Variants in FHL1 observed in about 807,000 individuals in gnomAD.
FHL1 encodes the protein four and a half LIM domains 1.
In FHL1, 1 loss-of-function variant was observed where a neutral mutation model predicts 20.3. That is an observed-to-expected ratio of 0.05 (90% CI 0.02 to 0.23). The LOEUF (loss-of-function observed/expected upper bound fraction) is 0.23. Among genes scored for constraint, FHL1 ranks in the 10% least tolerant of loss-of-function variants. The pLI is 1.00. For synonymous variants in FHL1, 82 were observed against 88.9 expected, an observed-to-expected ratio of 0.92 and a Z score of 0.44; for missense variants, 177 against 234.0, an observed-to-expected ratio of 0.76 and a Z score of 1.59.
At chrX:136,183,626 T>C (rs940304381) in intron 2 of FHL1, among the ~76,000 whole-genome samples, 1 of 112,572 alleles carries the variant, frequency 8.9e-6, no homozygotes, top group African/African-American at 3.2e-5. Flanking sequence ...ATGAATACTT[T>C]ATATTCTGCA....
intron 4 of FHL1, among the ~76,000 whole-genome samples, chrX:136,208,234 C>T (rs999226046): frequency 1.8e-5 from 2 of 111,942 alleles, no homozygotes; most frequent in African/African-American, 3.2e-5. Context: ...CTGCCTCCAC[C>T]ACTTAGGGGC....
chrX:136,153,605 G>A (rs986223550), intron 1 of FHL1, among the ~76,000 whole-genome samples: 2 of 111,815 alleles, frequency 1.8e-5, no homozygotes, highest in African/African-American at 6.5e-5. Flanking sequence ...TTGCAAGAAT[G>A]AATGATCCTT....
intron 1 of FHL1, among the ~76,000 whole-genome samples, chrX:136,205,726 G>C (rs2073822364): frequency 8.9e-6 from 1 of 112,029 alleles, no homozygotes; most frequent in Admixed American, 9.4e-5. Context: ...GTGTGGTACA[G>C]AATGAGCTGT....
intron 1 of FHL1, among the ~76,000 whole-genome samples, chrX:136,155,347 G>A (rs2072385966): frequency 8.9e-6 from 1 of 112,129 alleles, no homozygotes; most frequent in African/African-American, 3.2e-5. Context: ...AGTGAGAAGA[G>A]TTGTTGTCAC....
chrX:136,207,046 G>A lies in FHL1; in HGVS notation c.235G>A (p.Asp79Asn). The change falls in exon 3 of 6, where the codon GAC becomes AAC. Residue 79 changes from aspartate to asparagine, a missense_variant. Asp to Asn is a conservative substitution (Grantham distance 23). Transcript: ENST00000370683. Reference sequence around the variant, plus strand: ...GCACTATAAGAACCGCTTCTGGCATGACACCTGCTTCCGCTGTGCCAAGTG... The same window carrying A: ...GCACTATAAGAACCGCTTCTGGCATAACACCTGCTTCCGCTGTGCCAAGTG... ...EVHYKNRFWH[D>N]TCFRCAKCLH... The A allele has an allele frequency of 8.3e-7, 1 of 1,211,514 alleles. No homozygotes were observed. Among genetic ancestry groups the A allele is most frequent in the Non-Finnish European group, 1.1e-6 (1 of 895,521 alleles).
At chrX:136,172,679 G>T (rs1169896115) in intron 2 of FHL1, among the ~76,000 whole-genome samples, 1 of 113,141 alleles carries the variant, frequency 8.8e-6, no homozygotes, top group African/African-American at 3.2e-5. Flanking sequence ...TGGAATAATT[G>T]AATAGTTTAG....
intron 1 of FHL1, among the ~76,000 whole-genome samples, chrX:136,201,234 TTGAGAGA>T (rs1335869667): frequency 8.9e-6 from 1 of 112,255 alleles, no homozygotes; most frequent in Non-Finnish European, 1.9e-5. Context: ...AGCAGGCTAC[TTGAGAGA>T]TTCAAAAAGT....
upstream of FHL1, among the ~76,000 whole-genome samples, chrX:136,168,486 A>T (rs2072772741): frequency 8.9e-6 from 1 of 112,213 alleles, no homozygotes; most frequent in Non-Finnish European, 1.9e-5. Flanking sequence ...GAATATGAAG[A>T]TACTGTCTCT....
chrX:136,180,309 A>G (rs1230558829), intron 2 of FHL1, among the ~76,000 whole-genome samples: 1 of 112,384 alleles, frequency 8.9e-6, no homozygotes, highest in East Asian at 2.8e-4. Context: ...TATGAATGAA[A>G]TCAAAGAATT....
rs747594885 is a variant in FHL1, at chrX:136,207,868, C to T, written c.456C>T (p.Ile152=). The change falls in exon 4 of 6, where the codon ATC becomes ATT. Residue 152 remains isoleucine (I), a synonymous_variant. Transcript: ENST00000370683. ...CFTCSNCKQV[I]GTGSFFPKGE... is the part of the protein sequence containing the mutation. ...CCTGTAGTAACTGCAAGCAAGTCAT[C>T]GGGACTGGAAGCTTCTTCCCTAAAG... 5.7e-5 allele frequency: 69 copies of T among 1,210,680 alleles called. No homozygotes were observed. In the East Asian group the frequency reaches 1.0e-3, roughly 18 times the overall value.
At chrX:136,195,046 G>A (rs1603264855), upstream of FHL1, among the ~76,000 whole-genome samples, 2 of 112,062 alleles carry the variant, frequency 1.8e-5, no homozygotes, top group African/African-American at 6.5e-5. Context: ...ATTCATGGTG[G>A]TCAAAAAGTG....
chrX:136,152,699 G>T (rs923606587), intron 1 of FHL1, among the ~76,000 whole-genome samples: 10 of 81,987 alleles, frequency 1.2e-4, no homozygotes, highest in Admixed American at 3.6e-4. Flanking sequence ...CAGCCTGGGC[G>T]ACAGAGCTAG....
At chrX:136,193,094 A>C (rs186889416), upstream of FHL1, among the ~76,000 whole-genome samples, 3,384 of 110,950 alleles carry the variant, frequency 0.031, 57 homozygotes, top group Middle Eastern at 0.078. Flanking sequence ...AAAAAAAAAA[A>C]AAACAACTGG....
intron 2 of FHL1, among the ~76,000 whole-genome samples, 174 bp downstream of exon 2, chrX:136,206,762 G>C (rs893688585): frequency 4.4e-5 from 5 of 113,523 alleles, no homozygotes; most frequent in African/African-American, 1.6e-4. Context: ...GCTGTTTAAT[G>C]TGGGGCTTGA....
chrX:136,169,124 G>A (rs185517535), upstream of FHL1, among the ~76,000 whole-genome samples: 87 of 111,711 alleles, frequency 7.8e-4, 1 homozygote, highest in Admixed American at 6.6e-3. Context: ...ATAATACAGT[G>A]ATCACACTCC....
upstream of FHL1, among the ~76,000 whole-genome samples, chrX:136,192,711 G>T (rs755542876): frequency 8.9e-5 from 10 of 111,781 alleles, no homozygotes; most frequent in East Asian, 2.8e-3. Flanking sequence ...GGTTCCAGGG[G>T]TGCTCCTTCA....
At chrX:136,194,995 G>A (rs996011547), upstream of FHL1, among the ~76,000 whole-genome samples, 6 of 111,727 alleles carry the variant, frequency 5.4e-5, no homozygotes, top group African/African-American at 2.0e-4. Flanking sequence ...ATTGTTGCAG[G>A]CCCAAGCTCC....
chrX:136,197,555 C>A lies in FHL1; in HGVS notation c.22+421C>A, dbSNP rs747385627. 3.6e-5 allele frequency among the ~76,000 whole-genome samples: 4 copies of A among 112,315 alleles called. No homozygotes were observed. In the East Asian group the frequency reaches 1.1e-3, roughly 31 times the overall value. ...TCGAATGTGGAGCTGAAAGGAGGAA[C>A]ATTTGTAACTAAGAAAGTCCATAAT... On this transcript the variant is annotated intron_variant, in intron 1 of 5. Transcript: ENST00000370683.
At chrX:136,187,782 T>C (rs1005840618) in intron 2 of FHL1, among the ~76,000 whole-genome samples, 6 of 111,765 alleles carry the variant, frequency 5.4e-5, no homozygotes, top group Non-Finnish European at 1.1e-4. Context: ...ATGGTGGTAA[T>C]GATTGATATA....
Sources: gnomAD v4.1 joint callset for allele counts (sites outside exome capture counted in the v4.1 genomes callset) on GRCh38, gnomAD v4.1.1 for gene constraint, MANE v1.5 for transcripts, NCBI Gene and HGNC (gene_info 2026-07-23, HGNC 2026-07-21) for gene names.